FBXO4: variants seen among roughly 807,000 people sequenced by gnomAD.
FBXO4 encodes F-box only protein 4.
FBXO4 carries 36 observed loss-of-function variants against 43.7 expected under a neutral mutation model. The observed-to-expected ratio is 0.82, with a 90% CI of 0.63 to 1.09. The LOEUF (loss-of-function observed/expected upper bound fraction) is 1.09. FBXO4 is among the 50% of genes least tolerant of loss of function. The pLI is 0.00. For synonymous variants in FBXO4, 180 were observed against 165.6 expected (o/e 1.09, Z -0.67); for missense variants, 435 against 474.1 (o/e 0.92, Z 0.77).
At chr5:41,937,371 T>C (rs149199626) in intron 5 of FBXO4, among the ~76,000 whole-genome samples, 143 of 152,280 alleles carry the variant, frequency 9.4e-4, no homozygotes, top group African/African-American at 3.2e-3. Context: ...AGAGAAATCT[T>C]TATAGTACTG....
the FBXO4 span, among the ~76,000 whole-genome samples, chr5:42,006,753 G>A: frequency 1.3e-5 from 2 of 151,330 alleles, no homozygotes; most frequent in East Asian, 1.9e-4. Context: ...CAGTTTCAGA[G>A]TAATTAATTG....
chr5:42,013,786 C>A, the FBXO4 span, among the ~76,000 whole-genome samples: 1 of 152,260 alleles, frequency 6.6e-6, no homozygotes, highest in South Asian at 2.1e-4. Context: ...TCATTCTTTG[C>A]CAGCTTTTTC....
At chr5:42,033,733 C>A in the FBXO4 span, among the ~76,000 whole-genome samples, 1 of 152,144 alleles carries the variant, frequency 6.6e-6, no homozygotes, top group South Asian at 2.1e-4. Context: ...GGCTGCATAG[C>A]ATTCCGTGGT....
chr5:42,001,236 C>G, the FBXO4 span, among the ~76,000 whole-genome samples: 1 of 146,328 alleles, frequency 6.8e-6, no homozygotes, highest in Non-Finnish European at 1.5e-5. Context: ...TTCATTCATT[C>G]ATTCATTTAT....
the FBXO4 span, among the ~76,000 whole-genome samples, chr5:42,014,828 A>G: frequency 6.6e-6 from 1 of 152,156 alleles, no homozygotes; most frequent in Non-Finnish European, 1.5e-5. Context: ...CATCCACCAG[A>G]AAGCATGGGT....
At chr5:41,977,730 T>A in the FBXO4 span, among the ~76,000 whole-genome samples, 26 of 152,222 alleles carry the variant, frequency 1.7e-4, no homozygotes, top group Non-Finnish European at 3.5e-4. Context: ...TGAACCACCA[T>A]GCCTGGTCGC....
chr5:41,992,002 C>T, the FBXO4 span, among the ~76,000 whole-genome samples: 5 of 152,092 alleles, frequency 3.3e-5, no homozygotes, highest in African/African-American at 7.2e-5. Context: ...CGCTTGAACC[C>T]GGGAGGCAGA....
At chr5:41,957,844 C>T in the FBXO4 span, among the ~76,000 whole-genome samples, 1 of 152,010 alleles carries the variant, frequency 6.6e-6, no homozygotes, top group African/African-American at 2.4e-5. Flanking sequence ...TACACTGAAG[C>T]AAATACATTT....
chr5:41,949,937 C>A, the FBXO4 span, among the ~76,000 whole-genome samples: 1 of 152,128 alleles, frequency 6.6e-6, no homozygotes, highest in Admixed American at 6.5e-5. Context: ...TGATCTTTGA[C>A]AAACCTGACA....
chr5:41,926,913 CAGTT>C, intron 1 of FBXO4, 96 bp from the exon 2 acceptor site: 3 of 631,380 alleles, frequency 4.8e-6, no homozygotes, highest in Admixed American at 3.2e-5. Flanking sequence ...AAATACTAGT[CAGTT>C]GACCTTTTGT....
At chr5:42,012,681 GACA>G in the FBXO4 span, among the ~76,000 whole-genome samples, 1 of 152,092 alleles carries the variant, frequency 6.6e-6, no homozygotes. Context: ...GCTTGTTCCT[GACA>G]ACATCACCAG....
rs1751443491 is a variant in FBXO4, at chr5:41,925,344, C to G, written c.35C>G (p.Ser12Trp). 1.5e-6 allele frequency: 2 copies of G among 1,364,934 alleles called. No individual in the cohort carries two copies. Among genetic ancestry groups the G allele is most frequent in the Non-Finnish European group, 1.9e-6 (2 of 1,055,010 alleles). 84.6% of individuals were successfully genotyped at this position (1,364,934 alleles called of 1,614,324 possible). The stretch of plus-strand genomic sequence containing the variant: ...AGCGAGCCGCGCAGCGGAACAAACT[C>G]GCCGCCGCCGCCCTTCAGCGACTGG... ...AGSEPRSGTN[S>W]PPPPFSDWGR... Residue 12 changes from serine to tryptophan, a missense_variant, in exon 1 of 7, where the codon TCG becomes TGG. Coordinates refer to ENST00000281623, the MANE Select transcript of FBXO4 (RefSeq NM_012176.3).
At chr5:41,998,715 T>C in the FBXO4 span, among the ~76,000 whole-genome samples, 4 of 152,154 alleles carry the variant, frequency 2.6e-5, no homozygotes, top group African/African-American at 9.7e-5. Flanking sequence ...AAGCTATTTC[T>C]TCTGCCAAAA....
chr5:41,960,807 T>G, the FBXO4 span, among the ~76,000 whole-genome samples: 1 of 152,170 alleles, frequency 6.6e-6, no homozygotes, highest in African/African-American at 2.4e-5. Context: ...TTTTTTTATT[T>G]TATTGTATTA....
the FBXO4 span, among the ~76,000 whole-genome samples, chr5:41,980,520 GATAA>G: frequency 6.6e-6 from 1 of 152,130 alleles, no homozygotes; most frequent in African/African-American, 2.4e-5. Flanking sequence ...ACATCCTTAT[GATAA>G]ATAAAAGCAT....
the FBXO4 span, among the ~76,000 whole-genome samples, chr5:41,970,574 T>TA: frequency 5.4e-3 from 780 of 144,424 alleles, 3 homozygotes; most frequent in African/African-American, 0.016. Flanking sequence ...GGTTAATTGT[T>TA]AAAAAAAAAA....
In FBXO4 at chr5:41,936,009, ACTAGTTTGATTCAGC is replaced by A. The variant is rs575576476; in HGVS notation, c.898+1705_898+1719del. Among the ~76,000 whole-genome samples the A allele has an allele frequency of 4.2e-3, 637 of 152,332 alleles. 3 individuals carry two copies. The highest frequency in any genetic ancestry group is 6.2e-3 in the Non-Finnish European group (422 of 68,028). On this transcript the variant is annotated intron_variant, in intron 5 of 6. Coordinates refer to ENST00000281623, the MANE Select transcript of FBXO4 (RefSeq NM_012176.3). ...AAAGCCAAATCCAGCTCAACTACAG[ACTAGTTTGATTCAGC>A]CTACTGCATTAATACCCTGACCGAA...
intron 1 of FBXO4, among the ~76,000 whole-genome samples, chr5:41,926,736 G>A (rs993477621): frequency 2.6e-5 from 4 of 152,196 alleles, no homozygotes; most frequent in African/African-American, 4.8e-5. Flanking sequence ...AGGAACTGGT[G>A]ATTTTGCTGG....
chr5:42,010,647 G>A, the FBXO4 span, among the ~76,000 whole-genome samples: 1 of 152,216 alleles, frequency 6.6e-6, no homozygotes, highest in Non-Finnish European at 1.5e-5. Context: ...AAATAATGGT[G>A]CTATGAACAA....
Sources: allele counts gnomAD v4.1 joint callset (sites outside exome capture counted in the v4.1 genomes callset), GRCh38; gene constraint gnomAD v4.1.1; transcripts MANE v1.5; gene names NCBI Gene and HGNC (gene_info 2026-07-23, HGNC 2026-07-21).